PIP5K1C: variants seen among roughly 807,000 people sequenced by gnomAD.
PIP5K1C encodes the protein phosphatidylinositol-4-phosphate 5-kinase type 1 gamma.
Under a neutral mutation model 80.1 loss-of-function variants are expected in PIP5K1C, and 45 were observed. That is an observed-to-expected ratio of 0.56 (90% confidence interval 0.44 to 0.72). The LOEUF (loss-of-function observed/expected upper bound fraction) is 0.72, where lower values mean the gene tolerates loss of function less well. Ranked by LOEUF, PIP5K1C falls within the 30% of genes least tolerant of loss-of-function variation. The pLI, the probability that PIP5K1C is intolerant of heterozygous loss-of-function variation, is 0.00. For synonymous variants in PIP5K1C, 498 were observed against 420.1 expected (o/e 1.19, Z -2.27); for missense variants, 753 against 954.6 (o/e 0.79, Z 2.78).
Position 3,651,909 on chromosome 19 carries a change from C to A in PIP5K1C, c.1044G>T (p.Val348=). 6.2e-7 allele frequency: 1 copy of A among 1,612,860 alleles called. No individual in the cohort carries two copies. Among genetic ancestry groups the A allele is most frequent in the African/African-American group, 1.3e-5 (1 of 75,074 alleles). Residue 348 remains valine, a synonymous_variant, in exon 8 of 18, where the codon GTG becomes GTT. Transcript: ENST00000335312. ...CCGTGGAGTAGAGCGCCTTCTGGCC[C>A]ACAGGCCGCTTCTCATCTGAGGTGC... ...AQSTSDEKRP[V]GQKALYSTAM...
At chr19:3,658,926 G>A (rs900899673) in intron 5 of PIP5K1C, among the ~76,000 whole-genome samples, 2 of 152,118 alleles carry the variant, frequency 1.3e-5, no homozygotes, top group African/African-American at 2.4e-5. Flanking sequence ...CTCCTTCGTC[G>A]GTGCTGGGGC....
intron 2 of PIP5K1C, among the ~76,000 whole-genome samples, chr19:3,667,102 C>T (rs184520280): frequency 3.7e-4 from 57 of 152,302 alleles, no homozygotes; most frequent in African/African-American, 1.3e-3. Context: ...GGTGTGGCCC[C>T]TCAGATGCAG....
At chr19:3,675,207 C>T (rs1296002631) in intron 1 of PIP5K1C, among the ~76,000 whole-genome samples, 2 of 152,192 alleles carry the variant, frequency 1.3e-5, no homozygotes, top group Admixed American at 1.3e-4. Context: ...AGAATTTACT[C>T]AGTTGCAATA....
chr19:3,672,013 G>A (rs2035222088), intron 1 of PIP5K1C, among the ~76,000 whole-genome samples: 1 of 152,216 alleles, frequency 6.6e-6, no homozygotes, highest in East Asian at 1.9e-4. Flanking sequence ...CAGGCCCGAG[G>A]CGGGGGCTCT....
intron 1 of PIP5K1C, among the ~76,000 whole-genome samples, chr19:3,672,152 C>G (rs2035226494): frequency 6.6e-6 from 1 of 152,242 alleles, no homozygotes; most frequent in African/African-American, 2.4e-5. Context: ...GTGCCCAGGG[C>G]TTCTCTCTGA....
At chr19:3,682,282 G>A (rs1423429258) in intron 1 of PIP5K1C, among the ~76,000 whole-genome samples, 3 of 151,560 alleles carry the variant, frequency 2.0e-5, no homozygotes, top group Admixed American at 6.6e-5. Flanking sequence ...GCTGAGGCAG[G>A]AGAATCGCTC....
Position 3,646,062 on chromosome 19 carries a change from GA to G in PIP5K1C, c.1261-5del. On this transcript the variant is annotated splice_polypyrimidine_tract_variant and splice_region_variant and intron_variant, in intron 10 of 17. Coordinates refer to ENST00000335312, the MANE Select transcript of PIP5K1C (RefSeq NM_012398.3). Reference sequence around the variant, plus strand: ...GGCGGTGGACGGACACCGTGTCCTGGAAGAGAGTTGGGGGGGGTGCCCGGGG... The same window carrying G: ...GGCGGTGGACGGACACCGTGTCCTGGAGAGAGTTGGGGGGGGTGCCCGGGG... The G allele has an allele frequency of 6.2e-7, 1 of 1,605,548 alleles. No homozygotes were observed. The highest frequency in any genetic ancestry group is 1.1e-5 in the South Asian group (1 of 90,932).
intron 1 of PIP5K1C, among the ~76,000 whole-genome samples, chr19:3,697,826 A>G (rs2145633735): frequency 6.6e-6 from 1 of 152,306 alleles, no homozygotes; most frequent in East Asian, 1.9e-4. Context: ...ATCGGCCCAC[A>G]CAGTGGGCAC....
intron 1 of PIP5K1C, among the ~76,000 whole-genome samples, chr19:3,699,906 C>G (rs2036243513): frequency 6.6e-6 from 1 of 152,194 alleles, no homozygotes; most frequent in Non-Finnish European, 1.5e-5. Context: ...CACCCGGACT[C>G]AGGTCTGGGG....
chr19:3,661,834 G>T, intron 4 of PIP5K1C, 37 bp downstream of exon 4: 1 of 1,607,614 alleles, frequency 6.2e-7, no homozygotes. Context: ...CCACGTGTGT[G>T]CTGGGTGAGC....
Position 3,651,987 on chromosome 19 carries a change from G to A in PIP5K1C, c.966C>T (p.Gly322=), listed in dbSNP as rs554029610. The A allele has an allele frequency of 3.7e-5, 59 of 1,613,144 alleles. No homozygotes were observed. The highest frequency in any genetic ancestry group is 2.0e-4 in the East Asian group (9 of 44,878). The change falls in exon 8 of 18, where the codon GGC becomes GGT. Residue 322 remains glycine, a synonymous_variant. Coordinates refer to ENST00000335312, the MANE Select transcript of PIP5K1C (RefSeq NM_012398.3). The stretch of plus-strand genomic sequence containing the variant: ...GCTCGTGCTGGTCGATGTTGTGCAC[G>A]CCCAGCAGCAGGCTGTAGTCCATGA... ...FKIMDYSLLL[G]VHNIDQHERE... is the part of the protein sequence containing the mutation.
chr19:3,640,819 T>C (rs2033929928), intron 15 of PIP5K1C, among the ~76,000 whole-genome samples: 1 of 151,442 alleles, frequency 6.6e-6, no homozygotes, highest in South Asian at 2.1e-4. Context: ...CCTAAGTAGC[T>C]GGGCCGACAG....
rs1348493283 is a variant in PIP5K1C at position 3,648,785 on chromosome 19, G to A, written c.1128-77C>T. 1.1e-5 allele frequency: 14 copies of A among 1,236,128 alleles called. No individual in the cohort carries two copies. The highest frequency in any genetic ancestry group is 1.7e-5 in the Non-Finnish European group (14 of 843,582). 76.6% of individuals were successfully genotyped at this position (1,236,128 alleles called of 1,614,324 possible). A position where few individuals can be genotyped will look rare whatever the true frequency, so the allele number is the denominator to read the frequency against. ...GGGCAGGCGGGGCTGGGGACTCCAG[G>A]GCTAGGGAGTCCATCTGCTCCTGTG... On this transcript the variant is annotated intron_variant, in intron 8 of 17. Coordinates refer to ENST00000335312, the MANE Select transcript of PIP5K1C (RefSeq NM_012398.3). The surrounding 1 kb of genome is among the most constrained non-coding windows in gnomAD (Gnocchi z 4.3).
rs1568316598 is a variant in PIP5K1C at position 3,644,087 on chromosome 19, C to T, written c.1510G>A (p.Gly504Ser). The part of the protein sequence containing the change: ...ARSYPTLEDE[G>S]RPDLLPCTPP... ...GCGCACTCTGCCCTCTGCCCCTCAC[C>T]TTCGTCCTCCAGCGTGGGGTAGCTG... Residue 504 changes from glycine (G) to serine (S), a missense_variant and splice_region_variant, in exon 12 of 18, where the codon GGC (glycine) becomes AGC (serine). Transcript: ENST00000335312. 6.2e-7 allele frequency: 1 copy of T among 1,610,820 alleles called. No homozygotes were observed. The highest frequency in any genetic ancestry group is 8.5e-7 in the Non-Finnish European group (1 of 1,179,804).
chr19:3,697,221 G>A (rs1483860014), intron 1 of PIP5K1C, among the ~76,000 whole-genome samples: 2 of 151,416 alleles, frequency 1.3e-5, no homozygotes, highest in Non-Finnish European at 2.9e-5. Context: ...GGACTAAGCT[G>A]GACCGGGGAG....
chr19:3,642,374 G>A (rs1039225540), intron 14 of PIP5K1C, among the ~76,000 whole-genome samples: 5 of 152,366 alleles, frequency 3.3e-5, no homozygotes, highest in African/African-American at 1.2e-4. Flanking sequence ...GCAGTCCATG[G>A]GATGGAAGGA....
intron 9 of PIP5K1C, among the ~76,000 whole-genome samples, chr19:3,647,815 C>T (rs555013995): frequency 1.2e-4 from 19 of 152,262 alleles, no homozygotes; most frequent in African/African-American, 3.6e-4. Context: ...GGCGTGCTGG[C>T]GCGTGCCAGT....
At chr19:3,638,117 A>G (rs2033784699) in intron 16 of PIP5K1C, 5 of 1,344,916 alleles carry the variant, frequency 3.7e-6, no homozygotes, top group Non-Finnish European at 4.9e-6. Context: ...GTGCAGGGTG[A>G]GAACAAACCA....
At chr19:3,689,778 A>AAC (rs890787727) in intron 1 of PIP5K1C, among the ~76,000 whole-genome samples, 3 of 151,930 alleles carry the variant, frequency 2.0e-5, no homozygotes, top group African/African-American at 4.8e-5. Context: ...CGCACACGCT[A>AAC]ACACACACAC....
Sources: allele counts gnomAD v4.1 joint callset (sites outside exome capture counted in the v4.1 genomes callset), GRCh38; gene constraint gnomAD v4.1.1; non-coding constraint Gnocchi (gnomAD v3.1); transcripts MANE v1.5; gene names NCBI Gene and HGNC (gene_info 2026-07-23, HGNC 2026-07-21).